Variants in MACF1 observed in about 807,000 individuals in gnomAD.
MACF1 encodes the protein microtubule actin crosslinking factor 1.
MACF1 carries 193 observed loss-of-function variants against 854.8 expected under a neutral mutation model. That is an observed-to-expected ratio of 0.23 (90% confidence interval 0.20 to 0.25). MACF1 has a LOEUF of 0.25. Ranked by LOEUF, MACF1 falls within the 10% of genes least tolerant of loss-of-function variation. The pLI, the probability that MACF1 is intolerant of heterozygous loss-of-function variation, is 1.00. For synonymous variants in MACF1, 3,185 were observed against 3,226.7 expected (o/e 0.99, Z 0.44); for missense variants, 7,722 against 8,929.1 (o/e 0.86, Z 5.45).
chr1:39,179,824 G>T (rs1226574594), intron 2 of MACF1, among the ~76,000 whole-genome samples: 1 of 152,038 alleles, frequency 6.6e-6, no homozygotes, highest in African/African-American at 2.4e-5. Context: ...AGACCAGCCT[G>T]GCCAACATGG....
intron 2 of MACF1, among the ~76,000 whole-genome samples, chr1:39,137,802 G>T (rs931207509): frequency 6.6e-6 from 1 of 152,108 alleles, no homozygotes; most frequent in African/African-American, 2.4e-5. Flanking sequence ...GGCCAGGCGT[G>T]GTGGGTCATG....
chr1:39,355,789 G>T (rs975482860), intron 44 of MACF1, among the ~76,000 whole-genome samples: 3 of 151,946 alleles, frequency 2.0e-5, no homozygotes, highest in African/African-American at 7.3e-5. Context: ...AAGACATGAG[G>T]CCTCACTTTG....
chr1:39,190,852 G>A (rs1002439439), intron 2 of MACF1, among the ~76,000 whole-genome samples: 3 of 151,218 alleles, frequency 2.0e-5, no homozygotes, highest in East Asian at 1.9e-4. Context: ...AAAATTAGCC[G>A]GGCGTGGTGG....
intron 25 of MACF1, 91 bp from the exon 26 acceptor site, chr1:39,310,740 C>CA: frequency 1.5e-6 from 2 of 1,298,182 alleles, no homozygotes. Flanking sequence ...AGAAGATTCC[C>CA]TAAATAAAGC....
intron 75 of MACF1, 46 bp downstream of exon 75, chr1:39,442,099 G>T: frequency 6.3e-7 from 1 of 1,593,806 alleles, no homozygotes; most frequent in East Asian, 2.2e-5. Context: ...TTTTATTATA[G>T]TTTTTAAAGG....
chr1:39,138,750 C>T lies in MACF1; in HGVS notation c.220+54312C>T, dbSNP rs1034386539. 8.1e-5 allele frequency among the ~76,000 whole-genome samples: 12 copies of T among 148,052 alleles called. No individual in the cohort carries two copies. The East Asian group carries it at 2.4e-3, about 30-fold the overall frequency. The stretch of plus-strand genomic sequence containing the variant: ...CGCAATCTCAGCTCACTGCAACCTC[C>T]GCCTCCCAGGTTCAAGTGATTCTCC... On this transcript the variant is annotated intron_variant, in intron 2 of 93. Transcript: ENST00000361689.
chr1:39,098,570 C>T (rs571661596), intron 2 of MACF1, among the ~76,000 whole-genome samples: 2 of 152,350 alleles, frequency 1.3e-5, no homozygotes, highest in Non-Finnish European at 2.9e-5. Context: ...GGATAGCTGC[C>T]TGTCAGGGGT....
rs144742478 is a variant in MACF1, at chr1:39,092,309, T to G, written c.220+7871T>G. Among the ~76,000 whole-genome samples, 905 of 152,290 alleles carry G rather than the reference T, an allele frequency of 5.9e-3. 6 individuals are homozygous for G. The highest frequency in any genetic ancestry group is 0.021 in the African/African-American group (867 of 41,564). ...TGGGGAGTGAACTCTGGACTCAGTT[T>G]AGGAGCACCTTAGAGCTGGTGCCAG... On this transcript the variant is annotated intron_variant, in intron 2 of 93. Transcript: ENST00000361689.
At chr1:39,096,645 G>A (rs369976038) in intron 2 of MACF1, among the ~76,000 whole-genome samples, 115 of 151,110 alleles carry the variant, frequency 7.6e-4, no homozygotes, top group African/African-American at 1.9e-3. Context: ...ACCTTCCTCC[G>A]TTTTTGTTTT....
chr1:39,396,685 T>TCC (rs1229198602), intron 58 of MACF1, among the ~76,000 whole-genome samples: 5 of 152,226 alleles, frequency 3.3e-5, no homozygotes, highest in African/African-American at 1.2e-4. Context: ...GCTAATAAGC[T>TCC]ATGAGCTTCT....
At chr1:39,359,827 C>T (rs1319040039) in intron 47 of MACF1, among the ~76,000 whole-genome samples, 1 of 148,668 alleles carries the variant, frequency 6.7e-6, no homozygotes, top group Non-Finnish European at 1.5e-5. Flanking sequence ...AACAAACAAA[C>T]AAACAAAAAA....
At chr1:39,124,161 C>T (rs912066239) in intron 2 of MACF1, among the ~76,000 whole-genome samples, 1 of 151,426 alleles carries the variant, frequency 6.6e-6, no homozygotes, top group Non-Finnish European at 1.5e-5. Context: ...GCTAGGATTA[C>T]AGGCATGAGC....
chr1:39,208,752 G>A (rs913194585), intron 1 of MACF1, among the ~76,000 whole-genome samples: 7 of 152,132 alleles, frequency 4.6e-5, no homozygotes, highest in African/African-American at 1.7e-4. Context: ...AGCCTCCTGA[G>A]TAGCTGGGAT....
At chr1:39,385,969 G>T in intron 57 of MACF1, 40 bp downstream of exon 57, 1 of 1,556,432 alleles carries the variant, frequency 6.4e-7, no homozygotes, top group South Asian at 1.2e-5. Context: ...CATTATTAGA[G>T]GCAAGCAGAA....
Position 39,333,599 on chromosome 1 carries a change from C to G in MACF1, c.7011C>G (p.Asp2337Glu). Residue 2337 changes from aspartate (D) to glutamate (E), a missense_variant, in exon 37 of 101, where the codon GAC becomes GAG. Coordinates refer to ENST00000564288, the MANE Select transcript of MACF1 (RefSeq NM_001394062.1). Reference sequence around the variant, plus strand: ...TGAACATGTTTCAGGGGTTCTTTGACTCTCAGACTTGTGAGTCTTTGACAA... The same window carrying G: ...TGAACATGTTTCAGGGGTTCTTTGAGTCTCAGACTTGTGAGTCTTTGACAA... ...EKLNMFQGFF[D>E]SQTCESLTTE... 6.2e-7 allele frequency: 1 copy of G among 1,614,218 alleles called. No individual in the cohort carries two copies. The highest frequency in any genetic ancestry group is 8.5e-7 in the Non-Finnish European group (1 of 1,180,034).
Position 39,388,488 on chromosome 1 carries a change from G to A in MACF1, c.15646G>A (p.Gly5216Arg). 1.2e-6 allele frequency: 2 copies of A among 1,614,184 alleles called. No individual in the cohort carries two copies. The highest frequency in any genetic ancestry group is 1.7e-6 in the Non-Finnish European group (2 of 1,180,040). Residue 5216 changes from glycine (G) to arginine (R), a missense_variant, in exon 58 of 101, where the codon GGG (glycine) becomes AGG (arginine). Around this residue, in one of 15 missense-constraint regions of MACF1, gnomAD observed 2,807 missense variants for 3,235.8 expected, o/e 0.87. Coordinates refer to ENST00000564288, the MANE Select transcript of MACF1 (RefSeq NM_001394062.1). ...NKQCGKLTERGKARQEQLELT... is the reference protein window; with the variant it reads ...NKQCGKLTERRKARQEQLELT... ...ACAGTGTGGCAAACTGACAGAGAGG[G>A]GGAAAGCTCGTCAGGAACAGCTGGA...
At chr1:39,400,697 G>A (rs1269548096) in intron 58 of MACF1, among the ~76,000 whole-genome samples, 1 of 151,928 alleles carries the variant, frequency 6.6e-6, no homozygotes, top group Non-Finnish European at 1.5e-5. Context: ...TTGTAGAGAT[G>A]GGGTTTTACC....
chr1:39,203,822 A>T (rs1469395912), upstream of MACF1, among the ~76,000 whole-genome samples: 1 of 152,206 alleles, frequency 6.6e-6, no homozygotes, highest in Non-Finnish European at 1.5e-5. Flanking sequence ...ATATGGATGC[A>T]CAATTTGTTT....
chr1:39,195,611 G>A (rs1398452199), intron 2 of MACF1, among the ~76,000 whole-genome samples: 1 of 152,166 alleles, frequency 6.6e-6, no homozygotes. Flanking sequence ...GGGAGGAACT[G>A]GAGATAATTC....
Sources: gnomAD v4.1 joint callset for allele counts (sites outside exome capture counted in the v4.1 genomes callset) on GRCh38, gnomAD v4.1.1 for gene constraint, gnomAD v4.1.1 regional missense constraint, MANE v1.5 for transcripts, NCBI Gene and HGNC (gene_info 2026-07-23, HGNC 2026-07-21) for gene names.